STAC: variants seen among roughly 807,000 people sequenced by gnomAD.
The protein encoded by STAC is SH3 and cysteine rich domain.
Under a neutral mutation model 48.8 loss-of-function variants are expected in STAC, and 43 were observed. That is an observed-to-expected ratio of 0.88 (90% CI 0.69 to 1.14). STAC has a LOEUF of 1.14. Ranked by LOEUF, STAC falls within the 50% of genes most tolerant of loss-of-function variation. The pLI is 0.00. For synonymous variants in STAC, 193 were observed against 179.5 expected, an observed-to-expected ratio of 1.07 and a Z score of -0.60; for missense variants, 497 against 504.0, an observed-to-expected ratio of 0.99 and a Z score of 0.13.
At chr3:36,466,697 G>A (rs1489528209) in intron 2 of STAC, among the ~76,000 whole-genome samples, 2 of 152,126 alleles carry the variant, frequency 1.3e-5, no homozygotes, top group South Asian at 2.1e-4. Context: ...CATTAGGTTT[G>A]TATCCTAAAA....
chr3:36,382,910 T>C (rs901090123), intron 1 of STAC, among the ~76,000 whole-genome samples: 3 of 152,218 alleles, frequency 2.0e-5, no homozygotes, highest in Non-Finnish European at 4.4e-5. Flanking sequence ...TTCCATGAAG[T>C]GGTCTTGTTT....
Position 36,528,997 on chromosome 3 carries a change from A to G in STAC, c.1110+12A>G. On this transcript the variant is annotated intron_variant, in intron 10 of 10. Coordinates refer to ENST00000273183, the MANE Select transcript of STAC (RefSeq NM_003149.3). ...TGAAAGAGAATCAGGTGAGTAAACC[A>G]CACAAACACATTCCAGATATGAGCC... is the stretch of plus-strand genomic sequence containing the variant. The G allele has an allele frequency of 6.3e-7, 1 of 1,588,554 alleles. No individual in the cohort carries two copies. Among genetic ancestry groups the G allele is most frequent in the Non-Finnish European group, 8.6e-7 (1 of 1,165,214 alleles).
intron 5 of STAC, among the ~76,000 whole-genome samples, chr3:36,488,179 T>G (rs1014070889): frequency 6.6e-6 from 1 of 152,040 alleles, no homozygotes; most frequent in Non-Finnish European, 1.5e-5. Flanking sequence ...ATGATCCTCC[T>G]GTCTGAGTGT....
At chr3:36,415,648 A>T (rs1202046873) in intron 1 of STAC, among the ~76,000 whole-genome samples, 1 of 152,212 alleles carries the variant, frequency 6.6e-6, no homozygotes, top group Non-Finnish European at 1.5e-5. Flanking sequence ...GACAAGCCCC[A>T]GTGAGAGGAA....
chr3:36,473,999 T>C (rs899963131), intron 2 of STAC, among the ~76,000 whole-genome samples: 1 of 152,222 alleles, frequency 6.6e-6, no homozygotes, highest in Non-Finnish European at 1.5e-5. Flanking sequence ...TAACTTCTAA[T>C]ATGTTAGTGA....
At chr3:36,452,311 A>ATAAT (rs1696706202) in intron 2 of STAC, among the ~76,000 whole-genome samples, 1 of 152,210 alleles carries the variant, frequency 6.6e-6, no homozygotes, top group Non-Finnish European at 1.5e-5. Context: ...GATGCTATTT[A>ATAAT]TAATTGCCTT....
At chr3:36,546,158 A>G in intron 10 of STAC, 33 bp from the exon 11 acceptor site, 1 of 1,581,830 alleles carries the variant, frequency 6.3e-7, no homozygotes, top group African/African-American at 1.3e-5. Flanking sequence ...CTGACAGTAA[A>G]GTATTTTGTT....
chr3:36,412,544 G>A (rs183160852), intron 1 of STAC, among the ~76,000 whole-genome samples: 9 of 152,094 alleles, frequency 5.9e-5, no homozygotes, highest in African/African-American at 1.7e-4. Flanking sequence ...ACTGAGAACT[G>A]CTTTAAGAAA....
intron 1 of STAC, among the ~76,000 whole-genome samples, chr3:36,407,579 TG>T (rs79209518): frequency 0.023 from 3,540 of 152,340 alleles, 60 homozygotes; most frequent in East Asian, 0.026. Flanking sequence ...GCACATTTGA[TG>T]GGGCTTTTAA....
rs201766526 is a variant in STAC at position 36,398,676 on chromosome 3, A to G, written c.111+17922A>G. Among the ~76,000 whole-genome samples the G allele has an allele frequency of 1.6e-3, 207 of 129,262 alleles. 2 individuals are homozygous for G. The highest frequency in any genetic ancestry group is 3.5e-3 in the African/African-American group (125 of 35,610). The allele number at this position is 129,262 out of a possible 152,430, so 84.8% of individuals were successfully genotyped here. A position where few individuals can be genotyped will look rare whatever the true frequency, so the allele number is the denominator to read the frequency against. Reference sequence around the variant, plus strand: ...AGAAAGAAAGGAAGGAAGGAAGGAAAGAAAGAAAGAAAGAAAAGAAAGAAA... The same window carrying G: ...AGAAAGAAAGGAAGGAAGGAAGGAAGGAAAGAAAGAAAGAAAAGAAAGAAA... On this transcript the variant is annotated intron_variant, in intron 1 of 10. Coordinates refer to ENST00000273183, the MANE Select transcript of STAC (RefSeq NM_003149.3).
chr3:36,398,396 GGT>G (rs1699913753), intron 1 of STAC, among the ~76,000 whole-genome samples: 20 of 141,088 alleles, frequency 1.4e-4, no homozygotes, highest in Non-Finnish European at 2.0e-4. Context: ...AAGAAAGAGA[GGT>G]AAAGAGAAAG....
intron 5 of STAC, among the ~76,000 whole-genome samples, chr3:36,491,049 G>A (rs1697953476): frequency 6.6e-6 from 1 of 152,180 alleles, no homozygotes; most frequent in African/African-American, 2.4e-5. Context: ...TTTCCCCAAA[G>A]TCCAACCATC....
At chr3:36,505,556 AC>A (rs1698382346) in intron 7 of STAC, among the ~76,000 whole-genome samples, 189 bp from the exon 8 acceptor site, 1 of 152,288 alleles carries the variant, frequency 6.6e-6, no homozygotes, top group African/African-American at 2.4e-5. Flanking sequence ...TTATAGTGAA[AC>A]CAACCTCGGT....
chr3:36,493,024 AG>A, intron 5 of STAC, 126 bp from the exon 6 acceptor site: 1 of 812,862 alleles, frequency 1.2e-6, no homozygotes, highest in Non-Finnish European at 1.9e-6. Flanking sequence ...CAAACAGCCA[AG>A]ACAGCAATCA....
intron 8 of STAC, among the ~76,000 whole-genome samples, chr3:36,510,688 T>C (rs1698515778): frequency 6.6e-6 from 1 of 152,100 alleles, no homozygotes; most frequent in African/African-American, 2.4e-5. Flanking sequence ...ACCATCATTC[T>C]CAGCAAAGTA....
At chr3:36,437,957 T>TATTATTATTATC (rs1559491088) in intron 1 of STAC, among the ~76,000 whole-genome samples, 1 of 148,990 alleles carries the variant, frequency 6.7e-6, no homozygotes, top group Non-Finnish European at 1.5e-5. Context: ...TTATTATTAT[T>TATTATTATTATC]ATTATTATTT....
chr3:36,392,508 T>A (rs1699771222), intron 1 of STAC, among the ~76,000 whole-genome samples: 2 of 151,994 alleles, frequency 1.3e-5, no homozygotes, highest in Non-Finnish European at 2.9e-5. Flanking sequence ...CCCAGCTAAT[T>A]TTTATTTATT....
At chr3:36,393,498 G>A (rs146496737) in intron 1 of STAC, among the ~76,000 whole-genome samples, 89 of 151,942 alleles carry the variant, frequency 5.9e-4, no homozygotes, top group African/African-American at 1.8e-3. Flanking sequence ...GCTATTTTAC[G>A]TAGACTGACT....
At chr3:36,497,104 A>G (rs887799820) in intron 6 of STAC, among the ~76,000 whole-genome samples, 3 of 152,094 alleles carry the variant, frequency 2.0e-5, no homozygotes. Flanking sequence ...TCAAATTTTA[A>G]GGTGTCAAAA....
Sources: allele counts gnomAD v4.1 joint callset (sites outside exome capture counted in the v4.1 genomes callset), GRCh38; gene constraint gnomAD v4.1.1; transcripts MANE v1.5; gene names NCBI Gene and HGNC (gene_info 2026-07-23, HGNC 2026-07-21).